The following KDM4C variants were observed in gnomAD, a reference collection of about 807,000 sequenced individuals.
The protein encoded by KDM4C is lysine-specific demethylase 4C.
Under a neutral mutation model 129.3 loss-of-function variants are expected in KDM4C, and 81 were observed. The ratio of observed to expected loss-of-function variants is 0.63; its 90% CI spans 0.52 to 0.75. KDM4C has a LOEUF of 0.75. Ranked by LOEUF, KDM4C falls within the 30% of genes least tolerant of loss-of-function variation. The pLI, the probability that KDM4C is intolerant of heterozygous loss-of-function variation, is 0.00. For missense variants in KDM4C, 1,457 were observed against 1,304.0 expected (o/e 1.12, Z -1.81); for synonymous variants, 573 against 456.1 (o/e 1.26, Z -3.26).
At chr9:7,139,693 A>G (rs1587835378) in intron 19 of KDM4C, among the ~76,000 whole-genome samples, 1 of 152,192 alleles carries the variant, frequency 6.6e-6, no homozygotes, top group Non-Finnish European at 1.5e-5. Context: ...ATATGAATTT[A>G]ATATTTTCCT....
At chr9:6,967,621 A>T (rs1831225428) in intron 8 of KDM4C, among the ~76,000 whole-genome samples, 1 of 152,162 alleles carries the variant, frequency 6.6e-6, no homozygotes, top group South Asian at 2.1e-4. Context: ...TCTGGAGATC[A>T]TGACAGGCAG....
At chr9:6,899,581 A>T (rs1364508965) in intron 8 of KDM4C, among the ~76,000 whole-genome samples, 1 of 147,178 alleles carries the variant, frequency 6.8e-6, no homozygotes, top group South Asian at 2.1e-4. Flanking sequence ...TTAACTTGCT[A>T]GCTCATGAGA....
At chr9:6,896,893 G>T (rs1038442798) in intron 8 of KDM4C, among the ~76,000 whole-genome samples, 2 of 152,174 alleles carry the variant, frequency 1.3e-5, no homozygotes, top group African/African-American at 4.8e-5. Context: ...CCTGGAGCAG[G>T]ACTGGAGAGG....
At chr9:6,990,547 G>GA (rs1263511791) in intron 12 of KDM4C, 23 bp downstream of exon 12, 1 of 1,254,010 alleles carries the variant, frequency 8.0e-7, no homozygotes, top group African/African-American at 2.7e-5. Flanking sequence ...CCCTTTTTGG[G>GA]ATTTTTTTTT....
rs531170222 is a variant in KDM4C at position 7,127,647 on chromosome 9, A to G, written c.2611-419A>G. ...GTGCTTGGGAGTTTGAGGGTAGGGA[A>G]GGTGAATACCATAATGGCCATTATT... is the stretch of plus-strand genomic sequence containing the variant. On this transcript the variant is annotated intron_variant, in intron 18 of 21. Transcript: ENST00000381309. Among the ~76,000 whole-genome samples the G allele has an allele frequency of 6.6e-5, 10 of 152,324 alleles. No homozygotes were observed. In the South Asian group the frequency reaches 1.9e-3, roughly 28 times the overall value.
intron 11 of KDM4C, among the ~76,000 whole-genome samples, chr9:6,988,995 T>C (rs1818250597): frequency 6.6e-6 from 1 of 151,948 alleles, no homozygotes; most frequent in African/African-American, 2.4e-5. Flanking sequence ...CTTACCCCTC[T>C]ATAATCTACA....
At chr9:6,777,537 A>C (rs921127854) in intron 1 of KDM4C, among the ~76,000 whole-genome samples, 3 of 152,194 alleles carry the variant, frequency 2.0e-5, no homozygotes, top group African/African-American at 7.2e-5. Flanking sequence ...TCAGTAGTGA[A>C]TGCCTGTGTT....
At chr9:6,931,128 C>A (rs562953965) in intron 8 of KDM4C, among the ~76,000 whole-genome samples, 1 of 151,490 alleles carries the variant, frequency 6.6e-6, no homozygotes, top group Admixed American at 6.6e-5. Flanking sequence ...TCTCACCCCC[C>A]CCACACAAAC....
In KDM4C at chr9:6,831,147, C is replaced by G. The variant is rs145948242; in HGVS notation, c.435+16402C>G. 5.6e-3 allele frequency among the ~76,000 whole-genome samples: 845 copies of G among 152,140 alleles called. 10 individuals are homozygous for G. The highest frequency in any genetic ancestry group is 0.019 in the African/African-American group (807 of 41,494). On this transcript the variant is annotated intron_variant, in intron 4 of 21. Coordinates refer to ENST00000381309, the MANE Select transcript of KDM4C (RefSeq NM_015061.6). Reference sequence around the variant, plus strand: ...ACTAGTCAGTGGGGGAAGCGGGGATCTGTGGATTTTACTATCGAAGAAATA... The same window carrying G: ...ACTAGTCAGTGGGGGAAGCGGGGATGTGTGGATTTTACTATCGAAGAAATA...
At chr9:7,043,701 T>C (rs1161530835) in intron 15 of KDM4C, among the ~76,000 whole-genome samples, 1 of 151,752 alleles carries the variant, frequency 6.6e-6, no homozygotes, top group East Asian at 1.9e-4. Flanking sequence ...TTTTCAAAAT[T>C]GGGAGAATAG....
chr9:7,019,528 T>C (rs1824278590), intron 15 of KDM4C, among the ~76,000 whole-genome samples: 1 of 151,686 alleles, frequency 6.6e-6, no homozygotes, highest in Non-Finnish European at 1.5e-5. Context: ...ATATTCAGTT[T>C]GAGACACGTG....
intron 3 of KDM4C, among the ~76,000 whole-genome samples, chr9:6,807,194 A>G (rs1458659277): frequency 2.0e-5 from 3 of 152,114 alleles, no homozygotes; most frequent in East Asian, 1.9e-4. Flanking sequence ...TCAGTGCTCA[A>G]TGGTGCCCAG....
chr9:6,791,870 A>C (rs948171808), intron 1 of KDM4C, among the ~76,000 whole-genome samples: 1 of 152,082 alleles, frequency 6.6e-6, no homozygotes. Context: ...TAAAAATACA[A>C]AATTACCTGG....
chr9:7,087,580 G>T (rs777253448), intron 17 of KDM4C, among the ~76,000 whole-genome samples: 8 of 152,072 alleles, frequency 5.3e-5, no homozygotes, highest in Non-Finnish European at 1.0e-4. Context: ...TTTTGTTAAA[G>T]AGGATTATGG....
chr9:6,785,216 T>C (rs1005429187), intron 1 of KDM4C, among the ~76,000 whole-genome samples: 45 of 152,300 alleles, frequency 3.0e-4, no homozygotes, highest in African/African-American at 1.1e-3. Context: ...CTTACAGCCT[T>C]TGTTGTAGTT....
intron 8 of KDM4C, among the ~76,000 whole-genome samples, chr9:6,963,591 A>G (rs540732011): frequency 1.3e-5 from 2 of 152,354 alleles, no homozygotes; most frequent in East Asian, 3.9e-4. Flanking sequence ...AACAATACAG[A>G]GAAAGATTCA....
In KDM4C at chr9:6,866,124, A is replaced by C. The variant is rs149132389; in HGVS notation, c.630-13888A>C. Among the ~76,000 whole-genome samples, 436 of 151,090 alleles carry C rather than the reference A, an allele frequency of 2.9e-3. 8 individuals carry two copies. The highest frequency in any genetic ancestry group is 0.01 in the African/African-American group (418 of 41,086). ...GGTCTCGGACTCCTGACCTCAGGTGATCCACCTGCCTTGGCCTCCCAACGT... is the reference window on the plus strand; with the variant it reads ...GGTCTCGGACTCCTGACCTCAGGTGCTCCACCTGCCTTGGCCTCCCAACGT... On this transcript the variant is annotated intron_variant, in intron 5 of 21. Transcript: ENST00000381309.
At chr9:6,892,214 G>C (rs1371635774) in intron 7 of KDM4C, among the ~76,000 whole-genome samples, 4 of 152,042 alleles carry the variant, frequency 2.6e-5, no homozygotes, top group Non-Finnish European at 5.9e-5. Flanking sequence ...GGGTGCTGCT[G>C]GGTTAGAAAC....
rs1818761307 is a variant in KDM4C, at chr9:6,758,621, T to A, written c.-18+418T>A. ...CGGGGCCCTCCCTTCCCTGGGAGTG[T>A]CACGACCCGCGGGGTGAGGGTGGGA... On this transcript the variant is annotated intron_variant, in intron 1 of 21. Coordinates refer to ENST00000381309, the MANE Select transcript of KDM4C (RefSeq NM_015061.6). The surrounding 1 kb of genome is among the most constrained non-coding windows in gnomAD (Gnocchi z 4.6). Among the ~76,000 whole-genome samples the A allele has an allele frequency of 6.6e-6, 1 of 152,048 alleles. No homozygotes were observed. Among genetic ancestry groups the A allele is most frequent in the African/African-American group, 2.4e-5 (1 of 41,392 alleles).
Sources: gnomAD v4.1 joint callset for allele counts (sites outside exome capture counted in the v4.1 genomes callset) on GRCh38, gnomAD v4.1.1 for gene constraint, Gnocchi (gnomAD v3.1) non-coding constraint, MANE v1.5 for transcripts, NCBI Gene and HGNC (gene_info 2026-07-23, HGNC 2026-07-21) for gene names.